Variants in SNX29 observed in about 807,000 individuals in gnomAD.
SNX29 encodes sorting nexin 29, also known as sorting nexin-29.
SNX29 carries 78 observed loss-of-function variants against 102.1 expected under a neutral mutation model. That is an observed-to-expected ratio of 0.76 (90% CI 0.64 to 0.92). SNX29 has a LOEUF of 0.92. Ranked by LOEUF, SNX29 falls within the 40% of genes least tolerant of loss-of-function variation. The pLI is 0.00. For missense variants in SNX29, 1,280 were observed against 1,061.7 expected, an observed-to-expected ratio of 1.21 and a Z score of -2.86; for synonymous variants, 580 against 414.5, an observed-to-expected ratio of 1.40 and a Z score of -4.85.
chr16:12,506,366 A>G (rs2089379754), intron 19 of SNX29, among the ~76,000 whole-genome samples: 1 of 152,140 alleles, frequency 6.6e-6, no homozygotes, highest in South Asian at 2.1e-4. Flanking sequence ...AGGGCGGAGT[A>G]CTCTGTCCCC....
chr16:12,059,683 A>G (rs942790033), intron 8 of SNX29, among the ~76,000 whole-genome samples: 2 of 152,228 alleles, frequency 1.3e-5, no homozygotes, highest in African/African-American at 4.8e-5. Context: ...CAGTTGTTAC[A>G]TTTTTAAAGA....
chr16:12,478,907 G>A lies in SNX29; in HGVS notation c.2178+1048G>A, dbSNP rs533359463. Among the ~76,000 whole-genome samples the A allele has an allele frequency of 2.0e-5, 3 of 152,300 alleles. No homozygotes were observed. The South Asian group carries it at 6.2e-4, about 32-fold the overall frequency. On this transcript the variant is annotated intron_variant, in intron 19 of 20. Coordinates refer to ENST00000566228, the MANE Select transcript of SNX29 (RefSeq NM_032167.5). ...ATCTTTGGCTTAGAGTCAAGAAGGA[G>A]ACAGGGGCACTTCATCAATTTCGGT...
chr16:12,353,895 T>G (rs544763655), intron 15 of SNX29, among the ~76,000 whole-genome samples: 1 of 152,316 alleles, frequency 6.6e-6, no homozygotes, highest in South Asian at 2.1e-4. Context: ...TTGTGCCTGC[T>G]TGGAGGAGAA....
At chr16:12,482,789 G>T (rs114396072) in intron 19 of SNX29, among the ~76,000 whole-genome samples, 1 of 152,130 alleles carries the variant, frequency 6.6e-6, no homozygotes, top group Non-Finnish European at 1.5e-5. Flanking sequence ...GCCATCATTG[G>T]TGATTGTCTG....
At chr16:12,548,652 T>C (rs930869438) in intron 20 of SNX29, among the ~76,000 whole-genome samples, 3 of 152,200 alleles carry the variant, frequency 2.0e-5, no homozygotes, top group Non-Finnish European at 2.9e-5. Context: ...CCTCATTTGG[T>C]GTCAACTCAG....
intron 13 of SNX29, among the ~76,000 whole-genome samples, chr16:12,199,289 G>A (rs1567303471): frequency 6.6e-6 from 1 of 152,182 alleles, no homozygotes. Flanking sequence ...CACTGAATAG[G>A]CACCTGATAG....
chr16:12,274,282 C>G (rs1451566540), intron 14 of SNX29, among the ~76,000 whole-genome samples: 1 of 152,128 alleles, frequency 6.6e-6, no homozygotes, highest in African/African-American at 2.4e-5. Flanking sequence ...TATGCCATTT[C>G]TAGTTTTTAT....
Position 11,976,781 on chromosome 16 carries a change from C to A in SNX29, c.-26C>A. On this transcript the variant is annotated 5_prime_UTR_variant, in exon 1 of 21. Coordinates refer to ENST00000566228, the MANE Select transcript of SNX29 (RefSeq NM_032167.5). ...AAGCGGCAGCGGCGGCGGCGCGGCG[C>A]AGGCACCGGCCCGGGGAGAGGCACC... The A allele has an allele frequency of 7.4e-7, 1 of 1,346,980 alleles. No homozygotes were observed. Among genetic ancestry groups the A allele is most frequent in the Non-Finnish European group, 9.5e-7 (1 of 1,047,808 alleles). 83.4% of individuals were successfully genotyped at this position (1,346,980 alleles called of 1,614,324 possible).
intron 14 of SNX29, among the ~76,000 whole-genome samples, chr16:12,219,819 C>T (rs2077426925): frequency 6.6e-6 from 1 of 152,192 alleles, no homozygotes; most frequent in Non-Finnish European, 1.5e-5. Flanking sequence ...TGTAGACATA[C>T]CTCTTGGCCA....
chr16:12,477,129 T>A (rs1483989784), intron 18 of SNX29, among the ~76,000 whole-genome samples: 1 of 152,198 alleles, frequency 6.6e-6, no homozygotes, highest in Non-Finnish European at 1.5e-5. Context: ...GAGTCATAAC[T>A]TGATTAAAAT....
At chr16:12,188,760 C>T (rs912773794) in intron 13 of SNX29, among the ~76,000 whole-genome samples, 1 of 152,082 alleles carries the variant, frequency 6.6e-6, no homozygotes, top group Non-Finnish European at 1.5e-5. Context: ...ATTTTCCACC[C>T]CCTCCAGCTG....
At chr16:11,978,282 G>T (rs971856080) in intron 1 of SNX29, among the ~76,000 whole-genome samples, 7 of 152,164 alleles carry the variant, frequency 4.6e-5, no homozygotes, top group African/African-American at 1.4e-4. Flanking sequence ...GATGTTATGA[G>T]CTGGCTTCCC....
chr16:12,572,476 C>CAG lies in SNX29; in HGVS notation c.*3848_*3849dup. 1.9e-6 allele frequency: 2 copies of CAG among 1,063,834 alleles called. No individual in the cohort carries two copies. Among genetic ancestry groups the CAG allele is most frequent in the Non-Finnish European group, 2.3e-6 (2 of 878,368 alleles). 65.9% of individuals were successfully genotyped at this position (1,063,834 alleles called of 1,614,324 possible). A position where few individuals can be genotyped will look rare whatever the true frequency, so the allele number is the denominator to read the frequency against. ...GGTACATTTTGCCAACCCTGAGGACCAGTTCTTGGGGTTCCAGGCCTCGGC... is the reference window on the plus strand; with the variant it reads ...GGTACATTTTGCCAACCCTGAGGACCAGAGTTCTTGGGGTTCCAGGCCTCGGC... On this transcript the variant is annotated 3_prime_UTR_variant, in exon 21 of 21. Coordinates refer to ENST00000566228, the MANE Select transcript of SNX29 (RefSeq NM_032167.5).
intron 20 of SNX29, among the ~76,000 whole-genome samples, chr16:12,559,785 C>A (rs1389616291): frequency 6.6e-6 from 1 of 152,156 alleles, no homozygotes. Context: ...TTACACAGCA[C>A]CTTCGTCCTT....
chr16:11,998,988 T>C (rs1050659299), intron 1 of SNX29, among the ~76,000 whole-genome samples: 1 of 152,226 alleles, frequency 6.6e-6, no homozygotes, highest in Non-Finnish European at 1.5e-5. Flanking sequence ...CTCAGGGGTT[T>C]GTGTGTGCTA....
chr16:12,390,824 G>A (rs547913378), intron 16 of SNX29, among the ~76,000 whole-genome samples: 3 of 151,348 alleles, frequency 2.0e-5, no homozygotes, highest in South Asian at 2.1e-4. Context: ...GCTTATTCTC[G>A]GCCACGCAGC....
intron 14 of SNX29, among the ~76,000 whole-genome samples, chr16:12,275,481 T>C (rs949563877): frequency 1.3e-4 from 20 of 152,272 alleles, no homozygotes; most frequent in African/African-American, 4.6e-4. Flanking sequence ...TCTTTTGCTT[T>C]CTAGTCCTGT....
rs1567608617 is a variant in SNX29, at chr16:12,481,539, CA to C, written c.2178+3681del. 4.6e-4 allele frequency among the ~76,000 whole-genome samples: 69 copies of C among 151,128 alleles called. 1 individual carries two copies. The highest frequency in any genetic ancestry group is 3.4e-3 in the Middle Eastern group (1 of 294). On this transcript the variant is annotated intron_variant, in intron 19 of 20. Transcript: ENST00000566228. ...ACACACACACACACACACACACACACACACACACACACACACCCCAAATGTC... is the reference window on the plus strand; with the variant it reads ...ACACACACACACACACACACACACACCACACACACACACACCCCAAATGTC...
chr16:12,535,418 C>T (rs1198329274), intron 20 of SNX29, among the ~76,000 whole-genome samples: 1 of 152,196 alleles, frequency 6.6e-6, no homozygotes. Context: ...TTACATGAGC[C>T]ACTGCGCCTG....
Sources: allele counts gnomAD v4.1 joint callset (sites outside exome capture counted in the v4.1 genomes callset), GRCh38; gene constraint gnomAD v4.1.1; transcripts MANE v1.5; gene names NCBI Gene and HGNC (gene_info 2026-07-23, HGNC 2026-07-21).